F7: variants seen among roughly 807,000 people sequenced by gnomAD.
F7 encodes FVII coagulation protein.
Under a neutral mutation model 47.5 loss-of-function variants are expected in F7, and 38 were observed. The observed-to-expected ratio is 0.80, with a 90% CI of 0.62 to 1.05. The LOEUF is 1.05. Ranked by LOEUF, F7 falls within the 50% of genes least tolerant of loss-of-function variation. The probability of loss-of-function intolerance (pLI) is 0.00; values close to 1 mark genes in which losing one functional copy is unlikely to be tolerated. For synonymous variants in F7, 244 were observed against 258.5 expected, an observed-to-expected ratio of 0.94 and a Z score of 0.54; for missense variants, 575 against 605.4, an observed-to-expected ratio of 0.95 and a Z score of 0.53.
At chr13:113,115,549 T>C in intron 4 of F7, 111 bp from the exon 5 acceptor site, 2 of 1,239,480 alleles carry the variant, frequency 1.6e-6, no homozygotes, top group Non-Finnish European at 1.1e-6. Flanking sequence ...CACAGCTCAG[T>C]GCCACCTTCC....
At chr13:113,108,732 C>T in intron 1 of F7, among the ~76,000 whole-genome samples, 1 of 122,370 alleles carries the variant, frequency 8.2e-6, no homozygotes, top group East Asian at 2.6e-4. Context: ...TCGTGGGTGT[C>T]CCGGGAGTGT....
At chr13:113,115,310 T>C (rs1191281027) in intron 4 of F7, among the ~76,000 whole-genome samples, 1 of 152,206 alleles carries the variant, frequency 6.6e-6, no homozygotes, top group Non-Finnish European at 1.5e-5. Context: ...CCTTGGACAC[T>C]TTTACCATCC....
chr13:113,119,235 G>A lies in F7; in HGVS notation c.*227G>A. The A allele has an allele frequency of 1.7e-6, 1 of 580,694 alleles. No homozygotes were observed. The highest frequency in any genetic ancestry group is 2.2e-5 in the South Asian group (1 of 45,714). 36.0% of individuals were successfully genotyped at this position (580,694 alleles called of 1,614,324 possible). A position where few individuals can be genotyped will look rare whatever the true frequency, so the allele number is the denominator to read the frequency against. On this transcript the variant is annotated 3_prime_UTR_variant, in exon 8 of 8. Coordinates refer to ENST00000346342, the MANE Select transcript of F7 (RefSeq NM_019616.4). ...ACTCAAAGAGACTCCAAGATTCAAA[G>A]AGACTAATAGAGACACAGAGATGGA... is the stretch of plus-strand genomic sequence containing the variant.
At chr13:113,112,024 ACACT>A (rs1459579177) in intron 2 of F7, among the ~76,000 whole-genome samples, 4 of 142,642 alleles carry the variant, frequency 2.8e-5, no homozygotes, top group African/African-American at 5.3e-5. Flanking sequence ...ATTTCACCTC[ACACT>A]CACAGGACAC....
At chr13:113,111,852 C>G (rs1450995337) in intron 2 of F7, among the ~76,000 whole-genome samples, 1 of 97,396 alleles carries the variant, frequency 1.0e-5, no homozygotes. Context: ...ACACCTCACA[C>G]AGGGCACACT....
At position 113,113,160 on chromosome 13, in the gene F7, GA is replaced by G. The variant is rs1388558156; in HGVS notation, c.226-590del. 6.6e-6 allele frequency among the ~76,000 whole-genome samples: 1 copy of G among 152,128 alleles called. No individual in the cohort carries two copies. The highest frequency in any genetic ancestry group is 6.5e-5 in the Admixed American group (1 of 15,274). On this transcript the variant is annotated intron_variant, in intron 2 of 7. Transcript: ENST00000346342. This position sits in a 1 kb window ranked among gnomAD's most constrained non-coding sequence, Gnocchi z 4.1. ...ACACTCAGGACACCTCATGCTCAAA[GA>G]AGCCTCACACTCACAGGAGGTCCAG...
intron 1 of F7, chr13:113,106,738 G>A: frequency 9.4e-7 from 1 of 1,068,284 alleles, no homozygotes; most frequent in East Asian, 2.6e-5. Flanking sequence ...GATGGCGTGT[G>A]GGGATGGCGA....
chr13:113,111,184 T>C (rs1045321666), intron 2 of F7, among the ~76,000 whole-genome samples: 6 of 152,200 alleles, frequency 3.9e-5, no homozygotes, highest in African/African-American at 1.4e-4. Context: ...CAGGGCAGCC[T>C]GCGCATCGCA....
At position 113,120,248 on chromosome 13, in the gene F7, C is replaced by T. The variant is rs3093256; in HGVS notation, c.*1240C>T. On this transcript the variant is annotated 3_prime_UTR_variant, in exon 8 of 8. Transcript: ENST00000346342. The stretch of plus-strand genomic sequence containing the variant: ...CACAGCCCTTGTCAATGATATTTCA[C>T]AGAGACCCTGGGAGCACCTGCTCAA... The T allele has an allele frequency of 3.9e-5, 6 of 152,212 alleles. No individual in the cohort carries two copies. Among genetic ancestry groups the T allele is most frequent in the African/African-American group, 1.4e-4 (6 of 41,420 alleles). 9.4% of individuals were successfully genotyped at this position (152,212 alleles called of 1,614,324 possible).
chr13:113,114,725 C>T (rs762293160), intron 4 of F7: 1 of 153,636 alleles, frequency 6.5e-6, no homozygotes, highest in Non-Finnish European at 1.4e-5. Context: ...ATAGTGCGGC[C>T]CAAGGCCCCA....
chr13:113,113,681 G>A lies in F7; in HGVS notation c.226-71G>A, dbSNP rs1448340674. 2.7e-6 allele frequency: 4 copies of A among 1,481,628 alleles called. No individual in the cohort carries two copies. The East Asian group carries it at 6.8e-5, about 25-fold the overall frequency. The allele number at this position is 1,481,628 out of a possible 1,614,324, so 91.8% of individuals were successfully genotyped here. Reference sequence around the variant, plus strand: ...AAGTCCCCCAACCCCAGTTCATGGTGTGTCCAGTGCTTACCGTTGGGTGCT... The same window carrying A: ...AAGTCCCCCAACCCCAGTTCATGGTATGTCCAGTGCTTACCGTTGGGTGCT... On this transcript the variant is annotated intron_variant, in intron 2 of 7. Coordinates refer to ENST00000346342, the MANE Select transcript of F7 (RefSeq NM_019616.4). The surrounding 1 kb of genome is among the most constrained non-coding windows in gnomAD (Gnocchi z 4.1).
intron 1 of F7, among the ~76,000 whole-genome samples, chr13:113,109,563 C>A (rs1373442042): frequency 6.6e-6 from 1 of 152,206 alleles, no homozygotes; most frequent in East Asian, 1.9e-4. Flanking sequence ...GCCGCTCCTG[C>A]AGAACTCGGG....
intron 1 of F7, 42 bp downstream of exon 1, chr13:113,105,947 C>T (rs1316451211): frequency 1.0e-5 from 16 of 1,537,716 alleles, no homozygotes; most frequent in Middle Eastern, 1.8e-4. Context: ...GGTGGAAGGG[C>T]AGTGGGCAAA....
rs750090478 is a variant in F7, at chr13:113,118,987, C to T, written c.1314C>T (p.Leu438=). 13 of 1,600,458 alleles carry T rather than the reference C, an allele frequency of 8.1e-6. 1 individual carries two copies. The South Asian group carries it at 1.4e-4, about 18-fold the overall frequency. Reference sequence around the variant, plus strand: ...GCTCAGAGCCACGCCCAGGAGTCCTCCTGCGAGCCCCATTTCCCTAGCCCA... The same window carrying T: ...GCTCAGAGCCACGCCCAGGAGTCCTTCTGCGAGCCCCATTTCCCTAGCCCA... ...LMRSEPRPGV[L]LRAPFP Residue 438 remains leucine (L), a synonymous_variant, in exon 8 of 8, where the codon CTC becomes CTT. Coordinates refer to ENST00000346342, the MANE Select transcript of F7 (RefSeq NM_019616.4).
chr13:113,114,327 GGT>G (rs201700268), intron 4 of F7, among the ~76,000 whole-genome samples: 2 of 145,306 alleles, frequency 1.4e-5, no homozygotes, highest in Non-Finnish European at 1.6e-5. Flanking sequence ...AGGTTTGAGG[GGT>G]TTGTTTTTTT....
At chr13:113,118,349 C>A in intron 7 of F7, 64 bp from the exon 8 acceptor site, 1 of 1,516,154 alleles carries the variant, frequency 6.6e-7, no homozygotes, top group Non-Finnish European at 8.9e-7. Context: ...CAGCCCATCC[C>A]CATGCACCAG....
intron 5 of F7, 62 bp downstream of exon 5, chr13:113,115,862 T>C: frequency 6.2e-7 from 1 of 1,608,154 alleles, no homozygotes; most frequent in Non-Finnish European, 8.5e-7. Flanking sequence ...ACGGATTATC[T>C]TACTGGACAA....
chr13:113,119,112 G>T lies in F7; in HGVS notation c.*104G>T. On this transcript the variant is annotated 3_prime_UTR_variant, in exon 8 of 8. Coordinates refer to ENST00000346342, the MANE Select transcript of F7 (RefSeq NM_019616.4). ...CAGTTAATGGGGTAGAGGAGGGCAT[G>T]GGAGGGAGGGAGAGGTGGGGAGGGA... The T allele has an allele frequency of 1.0e-6, 1 of 977,612 alleles. No homozygotes were observed. Among genetic ancestry groups the T allele is most frequent in the Non-Finnish European group, 1.5e-6 (1 of 645,558 alleles). The allele number at this position is 977,612 out of a possible 1,614,324, so 60.6% of individuals were successfully genotyped here.
At chr13:113,110,942 G>A in intron 2 of F7, 92 bp downstream of exon 2, 1 of 1,411,582 alleles carries the variant, frequency 7.1e-7, no homozygotes, top group Non-Finnish European at 9.4e-7. Context: ...TTTGGCTGCG[G>A]CTGTGGGCGG....
Sources: allele counts gnomAD v4.1 joint callset (sites outside exome capture counted in the v4.1 genomes callset), GRCh38; gene constraint gnomAD v4.1.1; non-coding constraint Gnocchi (gnomAD v3.1); transcripts MANE v1.5; gene names NCBI Gene and HGNC (gene_info 2026-07-23, HGNC 2026-07-21).